Variants in RSU1 observed in about 807,000 individuals in gnomAD.
RSU1 encodes rsu-1.
A neutral mutation model predicts 31.1 loss-of-function variants in RSU1; 26 were observed. The ratio of observed to expected loss-of-function variants is 0.84; its 90% CI spans 0.61 to 1.16. RSU1 has a LOEUF of 1.16. Among genes scored for constraint, RSU1 ranks in the 50% most tolerant of loss-of-function variants. RSU1 has a pLI of 0.00. For synonymous variants in RSU1, 164 were observed against 136.3 expected, an observed-to-expected ratio of 1.20 and a Z score of -1.41; for missense variants, 320 against 339.1, an observed-to-expected ratio of 0.94 and a Z score of 0.44.
chr10:16,816,618 G>A (rs1302841918), intron 2 of RSU1, among the ~76,000 whole-genome samples: 1 of 152,196 alleles, frequency 6.6e-6, no homozygotes, highest in Non-Finnish European at 1.5e-5. Context: ...ATTTGTTCAT[G>A]GACAAAGACT....
At chr10:16,705,877 A>G (rs1386177720) in intron 7 of RSU1, among the ~76,000 whole-genome samples, 1 of 152,176 alleles carries the variant, frequency 6.6e-6, no homozygotes, top group Non-Finnish European at 1.5e-5. Context: ...TCTTGGCTCA[A>G]GCAATCCTCC....
At chr10:16,727,354 T>C (rs1190991597) in intron 7 of RSU1, among the ~76,000 whole-genome samples, 1 of 152,200 alleles carries the variant, frequency 6.6e-6, no homozygotes, top group Non-Finnish European at 1.5e-5. Flanking sequence ...TTTTCTGAGA[T>C]AAATACGTGT....
chr10:16,593,254 G>A lies in RSU1; in HGVS notation c.*140C>T, dbSNP rs750067352. 809 of 1,430,716 alleles carry A rather than the reference G, an allele frequency of 5.7e-4. No homozygotes were observed. Among genetic ancestry groups the A allele is most frequent in the Non-Finnish European group, 7.0e-4 (761 of 1,080,118 alleles). 88.6% of individuals were successfully genotyped at this position (1,430,716 alleles called of 1,614,324 possible). Reference sequence around the variant, plus strand: ...GCAAAAGAATCTAAAAGGTAAGGTGGGAAGCATTAGAAAGAGAGTGAAAAG... The same window carrying A: ...GCAAAAGAATCTAAAAGGTAAGGTGAGAAGCATTAGAAAGAGAGTGAAAAG... On this transcript the variant is annotated 3_prime_UTR_variant, in exon 9 of 9. Coordinates refer to ENST00000345264, the MANE Select transcript of RSU1 (RefSeq NM_012425.4).
chr10:16,711,860 G>A (rs1425544819), intron 7 of RSU1, among the ~76,000 whole-genome samples: 1 of 152,184 alleles, frequency 6.6e-6, no homozygotes, highest in East Asian at 1.9e-4. Flanking sequence ...GTATTCTGCA[G>A]CTGTTAAAAT....
At chr10:16,646,749 A>G (rs995163596) in intron 8 of RSU1, among the ~76,000 whole-genome samples, 1 of 152,224 alleles carries the variant, frequency 6.6e-6, no homozygotes, top group Admixed American at 6.5e-5. Flanking sequence ...GTAACTAATA[A>G]TATTAAAATA....
chr10:16,640,069 A>C lies in RSU1; in HGVS notation c.732-46573T>G, dbSNP rs76423274. ...TTCCAAAGTTTCTTTAGAAGTACCCAATCTTTCTGCCTGAGTTTAAACCAG... is the reference window on the plus strand; with the variant it reads ...TTCCAAAGTTTCTTTAGAAGTACCCCATCTTTCTGCCTGAGTTTAAACCAG... On this transcript the variant is annotated intron_variant, in intron 8 of 8. Transcript: ENST00000345264. Among the ~76,000 whole-genome samples the C allele has an allele frequency of 4.5e-4, 69 of 152,288 alleles. 2 individuals are homozygous for C. The East Asian group carries it at 0.013, about 29-fold the overall frequency.
At chr10:16,672,628 A>G (rs1835130935) in intron 8 of RSU1, among the ~76,000 whole-genome samples, 2 of 151,958 alleles carry the variant, frequency 1.3e-5, no homozygotes. Context: ...TTTTTTAAAT[A>G]GAGTACACAT....
chr10:16,755,009 A>G lies in RSU1; in HGVS notation c.282-20T>C, dbSNP rs374892707. On this transcript the variant is annotated intron_variant, in intron 4 of 8. Coordinates refer to ENST00000345264, the MANE Select transcript of RSU1 (RefSeq NM_012425.4). ...TTCATGCTGTTGCAGGGGGACAAAA[A>G]TCTATGTCATGACACCAAAGACACA... 4 of 1,493,430 alleles carry G rather than the reference A, an allele frequency of 2.7e-6. No individual in the cohort carries two copies. The highest frequency in any genetic ancestry group is 3.7e-6 in the Non-Finnish European group (4 of 1,076,146). The allele number at this position is 1,493,430 out of a possible 1,614,324, so 92.5% of individuals were successfully genotyped here.
At chr10:16,669,365 GTTTT>G (rs1554765235) in intron 8 of RSU1, among the ~76,000 whole-genome samples, 1 of 150,010 alleles carries the variant, frequency 6.7e-6, no homozygotes, top group African/African-American at 2.4e-5. Flanking sequence ...AACATTTTCT[GTTTT>G]TTTTCCCCCC....
chr10:16,625,695 T>C (rs1020131273), intron 8 of RSU1, among the ~76,000 whole-genome samples: 1 of 152,138 alleles, frequency 6.6e-6, no homozygotes, highest in African/African-American at 2.4e-5. Context: ...ACTTATCAGG[T>C]AATGAGAAAG....
intron 8 of RSU1, among the ~76,000 whole-genome samples, chr10:16,653,207 C>T (rs1383726906): frequency 6.6e-6 from 1 of 152,134 alleles, no homozygotes; most frequent in East Asian, 1.9e-4. Flanking sequence ...ACATATGTTA[C>T]CTACTTTTAA....
chr10:16,769,010 C>T (rs1837372515), intron 3 of RSU1, among the ~76,000 whole-genome samples: 1 of 152,232 alleles, frequency 6.6e-6, no homozygotes, highest in South Asian at 2.1e-4. Context: ...CTGCAACAGG[C>T]ATGTGCCAGC....
chr10:16,764,882 CTTTT>C (rs3841740), intron 3 of RSU1, among the ~76,000 whole-genome samples: 2 of 149,732 alleles, frequency 1.3e-5, no homozygotes, highest in South Asian at 4.2e-4. Context: ...CTAAGTGCAA[CTTTT>C]TTTTTCCTTT....
intron 2 of RSU1, among the ~76,000 whole-genome samples, chr10:16,816,513 G>A (rs1368907143): frequency 6.6e-6 from 1 of 152,074 alleles, no homozygotes; most frequent in Non-Finnish European, 1.5e-5. Flanking sequence ...AACCAAGTTC[G>A]GAGAATAAAT....
chr10:16,753,717 C>G (rs1234769645), intron 5 of RSU1, among the ~76,000 whole-genome samples: 7 of 152,130 alleles, frequency 4.6e-5, no homozygotes, highest in African/African-American at 1.4e-4. Flanking sequence ...TCTAAAGCAT[C>G]TGTTTATCTT....
At chr10:16,814,460 A>AAAAG (rs1564367459) in intron 2 of RSU1, among the ~76,000 whole-genome samples, 2 of 144,234 alleles carry the variant, frequency 1.4e-5, no homozygotes, top group Non-Finnish European at 3.0e-5. Flanking sequence ...GGAAAAAAAA[A>AAAAG]AAAAAAAAGA....
chr10:16,675,821 C>T (rs919992734), intron 8 of RSU1, among the ~76,000 whole-genome samples: 1 of 152,238 alleles, frequency 6.6e-6, no homozygotes, highest in African/African-American at 2.4e-5. Flanking sequence ...GCCTCTGCTT[C>T]CATGCTCTAA....
chr10:16,596,662 G>A (rs868123854), intron 8 of RSU1, among the ~76,000 whole-genome samples: 5 of 151,930 alleles, frequency 3.3e-5, no homozygotes, highest in Non-Finnish European at 5.9e-5. Flanking sequence ...CCCCTTATCC[G>A]CACAGAGCAA....
At chr10:16,696,600 G>C (rs1321598946) in intron 7 of RSU1, among the ~76,000 whole-genome samples, 1 of 152,158 alleles carries the variant, frequency 6.6e-6, no homozygotes, top group Non-Finnish European at 1.5e-5. Context: ...GTTGGCGCTT[G>C]GTACAAAAAT....
Sources: allele counts gnomAD v4.1 joint callset (sites outside exome capture counted in the v4.1 genomes callset), GRCh38; gene constraint gnomAD v4.1.1; transcripts MANE v1.5; gene names NCBI Gene and HGNC (gene_info 2026-07-23, HGNC 2026-07-21).